The following TRPM1 variants were observed in gnomAD, a reference collection of about 807,000 sequenced individuals.
TRPM1 encodes the protein TRPM1-203 APA Isoform, Intron 10.
TRPM1 carries 113 observed loss-of-function variants against 149.4 expected under a neutral mutation model. That is an observed-to-expected ratio of 0.76 (90% CI 0.65 to 0.88). The LOEUF is 0.88. Ranked by LOEUF, TRPM1 falls within the 40% of genes least tolerant of loss-of-function variation. The pLI, the probability that TRPM1 is intolerant of heterozygous loss-of-function variation, is 0.00. For missense variants in TRPM1, 1,976 were observed against 2,038.7 expected (o/e 0.97, Z 0.59); for synonymous variants, 741 against 759.5 (o/e 0.98, Z 0.40).
chr15:31,050,703 G>A (rs900302410), intron 11 of TRPM1, 121 bp from the exon 12 acceptor site: 5 of 1,070,000 alleles, frequency 4.7e-6, no homozygotes, highest in Non-Finnish European at 7.1e-6. Context: ...TGCACACAAT[G>A]TACATGTGCA....
At chr15:31,088,814 T>A (rs547760058) in intron 1 of TRPM1, among the ~76,000 whole-genome samples, 4 of 146,660 alleles carry the variant, frequency 2.7e-5, no homozygotes, top group Non-Finnish European at 4.5e-5. Context: ...GGGGGATGCG[T>A]CAGAGGAGGC....
At chr15:31,122,942 A>C (rs1470113130) in intron 1 of TRPM1, among the ~76,000 whole-genome samples, 2 of 152,252 alleles carry the variant, frequency 1.3e-5, no homozygotes, top group Admixed American at 6.5e-5. Context: ...GATTTACTAT[A>C]AAGCTATAAT....
intron 3 of TRPM1, among the ~76,000 whole-genome samples, chr15:31,076,648 G>A (rs943952953): frequency 3.3e-5 from 5 of 152,188 alleles, no homozygotes; most frequent in Admixed American, 3.3e-4. Context: ...ATCTTGCTGA[G>A]ACTAAGAGGA....
chr15:31,126,881 C>A (rs984818553), intron 1 of TRPM1, among the ~76,000 whole-genome samples: 1 of 152,146 alleles, frequency 6.6e-6, no homozygotes, highest in Non-Finnish European at 1.5e-5. Context: ...GCACAAGAAT[C>A]GCTTGAACCC....
Position 31,002,306 on chromosome 15 carries a change from G to C in TRPM1, c.4394C>G (p.Ser1465Cys), listed in dbSNP as rs1314240769. ...CCCACCGACCAGCTTTCTTCCCCGG[G>C]AATAGACGAAGCTTCTGGACTTCAT... Reference protein sequence around the residue: ...KTMKSRSFVYSRGRKLVGGVN... With the variant: ...KTMKSRSFVYCRGRKLVGGVN... Residue 1465 changes from serine (S) to cysteine (C), a missense_variant, in exon 28 of 28, where the codon TCC (serine) becomes TGC (cysteine). By Grantham distance (112) the Ser-to-Cys change is moderately radical. Coordinates refer to ENST00000256552, the MANE Select transcript of TRPM1 (RefSeq NM_001252024.2). 1 of 1,614,206 alleles carries C rather than the reference G, an allele frequency of 6.2e-7. No individual in the cohort carries two copies. The highest frequency in any genetic ancestry group is 8.5e-7 in the Non-Finnish European group (1 of 1,180,036).
At chr15:31,036,832 C>T (rs558539167) in intron 20 of TRPM1, among the ~76,000 whole-genome samples, 112 of 152,342 alleles carry the variant, frequency 7.4e-4, no homozygotes, top group African/African-American at 2.6e-3. Flanking sequence ...CTCAGCTGAC[C>T]CTTGAGGTGG....
At position 31,002,678 on chromosome 15, in the gene TRPM1, T is replaced by G. The variant is rs962974552; in HGVS notation, c.4022A>C (p.Glu1341Ala). 6.2e-7 allele frequency: 1 copy of G among 1,614,224 alleles called. No homozygotes were observed. Reference sequence around the variant, plus strand: ...TGAAAGGTGAAGACTGTTCTGACATTCTGGGACTAGGTGCGTTTTCACGTC... The same window carrying G: ...TGAAAGGTGAAGACTGTTCTGACATGCTGGGACTAGGTGCGTTTTCACGTC... Reference protein sequence around the residue: ...EKDVKTHLVPECQNSLHLSLG... With the variant: ...EKDVKTHLVPACQNSLHLSLG... The change falls in exon 28 of 28, where the codon GAA becomes GCA. Residue 1341 changes from glutamate (E) to alanine (A), a missense_variant. This residue lies in a region of TRPM1 where 572 missense variants were observed against 578.9 expected (regional missense o/e 0.99). Transcript: ENST00000256552.
In TRPM1 at chr15:31,097,463, C is replaced by T. The variant is rs75808880; in HGVS notation, c.-84+4194G>A. On this transcript the variant is annotated intron_variant, in intron 1 of 27. Coordinates refer to ENST00000256552, the MANE Select transcript of TRPM1 (RefSeq NM_001252024.2). ...TGTCTTTGACCCAGCACTTTCACTT[C>T]CATGGATCGATCACCTGGAAATACT... 1.5e-4 allele frequency among the ~76,000 whole-genome samples: 23 copies of T among 152,300 alleles called. No individual in the cohort carries two copies. The East Asian group carries it at 4.4e-3, about 29-fold the overall frequency.
intron 3 of TRPM1, among the ~76,000 whole-genome samples, chr15:31,071,015 G>A (rs2034523367): frequency 6.6e-6 from 1 of 152,190 alleles, no homozygotes; most frequent in Non-Finnish European, 1.5e-5. Flanking sequence ...TAGCTCTACA[G>A]CATCTCTCCC....
chr15:31,138,422 T>TA (rs2036118502), intron 1 of TRPM1, among the ~76,000 whole-genome samples: 2 of 152,082 alleles, frequency 1.3e-5, no homozygotes, highest in Non-Finnish European at 2.9e-5. Context: ...TCTCTTGGAA[T>TA]AAAAAAGAAA....
chr15:31,141,414 A>T (rs929241400), intron 1 of TRPM1, among the ~76,000 whole-genome samples: 1 of 152,166 alleles, frequency 6.6e-6, no homozygotes, highest in Non-Finnish European at 1.5e-5. Context: ...GGACATGAGG[A>T]TATACCTTTG....
chr15:31,046,270 C>G (rs1555422195), intron 15 of TRPM1, 37 bp from the exon 16 acceptor site: 1 of 1,600,926 alleles, frequency 6.2e-7, no homozygotes, highest in Non-Finnish European at 8.6e-7. Flanking sequence ...AATCAATTTA[C>G]TTAGATAACT....
chr15:31,080,250 G>A (rs2034819128), intron 2 of TRPM1, among the ~76,000 whole-genome samples: 1 of 152,056 alleles, frequency 6.6e-6, no homozygotes, highest in Non-Finnish European at 1.5e-5. Flanking sequence ...GAGTAACAAC[G>A]TATTTACATA....
intron 1 of TRPM1, among the ~76,000 whole-genome samples, chr15:31,159,884 G>A (rs1023731047): frequency 2.6e-5 from 4 of 152,116 alleles, no homozygotes; most frequent in Admixed American, 6.6e-5. Context: ...CTGCTTCAGC[G>A]GCTCCGTTCC....
intron 1 of TRPM1, among the ~76,000 whole-genome samples, chr15:31,146,741 C>A (rs1214125668): frequency 1.3e-5 from 2 of 152,212 alleles, no homozygotes; most frequent in African/African-American, 4.8e-5. Flanking sequence ...ATTCCCAGCA[C>A]TTTGGGAGGC....
chr15:31,008,658 G>A (rs2032079201), intron 27 of TRPM1, among the ~76,000 whole-genome samples: 1 of 152,100 alleles, frequency 6.6e-6, no homozygotes, highest in Admixed American at 6.6e-5. Context: ...TCTGGTTTTG[G>A]TATCATGGTG....
intron 1 of TRPM1, among the ~76,000 whole-genome samples, chr15:31,088,529 T>G (rs1163577914): frequency 6.6e-6 from 1 of 152,134 alleles, no homozygotes; most frequent in Non-Finnish European, 1.5e-5. Flanking sequence ...TGCGCCACCT[T>G]TAAGAGCTGT....
At chr15:31,026,426 G>C in intron 26 of TRPM1, 155 bp from the exon 27 acceptor site, 1 of 960,526 alleles carries the variant, frequency 1.0e-6, no homozygotes, top group Non-Finnish European at 1.6e-6. Flanking sequence ...ATCTAAAAAG[G>C]GGTTGTCATA....
chr15:31,063,003 A>G, intron 8 of TRPM1, 115 bp downstream of exon 8: 2 of 1,417,242 alleles, frequency 1.4e-6, no homozygotes, highest in South Asian at 1.2e-5. Context: ...GATCTAGCAA[A>G]TCTTCCTGAT....
Sources: gnomAD v4.1 joint callset for allele counts (sites outside exome capture counted in the v4.1 genomes callset) on GRCh38, gnomAD v4.1.1 for gene constraint, gnomAD v4.1.1 regional missense constraint, MANE v1.5 for transcripts, NCBI Gene and HGNC (gene_info 2026-07-23, HGNC 2026-07-21) for gene names.